The following MACROD2 variants were observed in gnomAD, a reference collection of about 807,000 sequenced individuals.
MACROD2 encodes ADP-ribose glycohydrolase MACROD2.
MACROD2 carries 36 observed loss-of-function variants against 70.4 expected under a neutral mutation model. The ratio of observed to expected loss-of-function variants is 0.51; its 90% CI spans 0.39 to 0.68. MACROD2 has a LOEUF of 0.68. Ranked by LOEUF, MACROD2 falls within the 30% of genes least tolerant of loss-of-function variation. MACROD2 has a pLI of 0.00. For synonymous variants in MACROD2, 172 were observed against 178.8 expected (o/e 0.96, Z 0.30); for missense variants, 496 against 538.4 (o/e 0.92, Z 0.78).
At chr20:14,885,955 G>A (rs1459296855) in intron 5 of MACROD2, among the ~76,000 whole-genome samples, 1 of 152,150 alleles carries the variant, frequency 6.6e-6, no homozygotes, top group Non-Finnish European at 1.5e-5. Context: ...ATACTACAGT[G>A]AGCAAAATAA....
At chr20:14,085,956 G>A (rs1450385060) in intron 3 of MACROD2, among the ~76,000 whole-genome samples, 2 of 152,158 alleles carry the variant, frequency 1.3e-5, no homozygotes, top group African/African-American at 4.8e-5. Context: ...TTGAGATTAG[G>A]ATACTGCACC....
intron 5 of MACROD2, among the ~76,000 whole-genome samples, chr20:15,226,899 T>C (rs914274841): frequency 1.5e-4 from 23 of 152,110 alleles, no homozygotes; most frequent in Non-Finnish European, 5.9e-5. Context: ...GAGCTGGAAT[T>C]CAAAGACAGG....
At chr20:14,825,943 C>G (rs1487143285) in intron 5 of MACROD2, among the ~76,000 whole-genome samples, 3 of 152,228 alleles carry the variant, frequency 2.0e-5, no homozygotes, top group South Asian at 4.1e-4. Context: ...CTTGTTTTTA[C>G]AAGCAAAGGC....
chr20:14,197,807 G>T (rs552811460), intron 3 of MACROD2, among the ~76,000 whole-genome samples: 1 of 152,054 alleles, frequency 6.6e-6, no homozygotes, highest in Non-Finnish European at 1.5e-5. Context: ...TCTTAACAGA[G>T]AAGTAGGAAG....
chr20:15,532,870 G>A (rs2047823586), intron 8 of MACROD2, among the ~76,000 whole-genome samples: 1 of 151,980 alleles, frequency 6.6e-6, no homozygotes, highest in African/African-American at 2.4e-5. Context: ...TCAATTAAAG[G>A]GTTTGAAAGA....
intron 3 of MACROD2, among the ~76,000 whole-genome samples, chr20:14,419,364 T>C (rs2083849997): frequency 6.6e-6 from 1 of 152,238 alleles, no homozygotes; most frequent in Admixed American, 6.5e-5. Flanking sequence ...AGGATCTTTA[T>C]ATATTTTTGA....
intron 8 of MACROD2, among the ~76,000 whole-genome samples, chr20:15,626,381 TAGAC>T (rs1407746759): frequency 6.6e-6 from 1 of 152,228 alleles, no homozygotes; most frequent in East Asian, 1.9e-4. Context: ...CAAAATGGAT[TAGAC>T]ACACAGAAAT....
At chr20:15,964,981 T>C (rs73234091) in intron 12 of MACROD2, among the ~76,000 whole-genome samples, 8,271 of 152,266 alleles carry the variant, frequency 0.054, 340 homozygotes, top group African/African-American at 0.12. Flanking sequence ...TGATATGACA[T>C]CCTTGTCATC....
At chr20:15,817,493 G>T (rs1223812582) in intron 8 of MACROD2, among the ~76,000 whole-genome samples, 3 of 152,170 alleles carry the variant, frequency 2.0e-5, no homozygotes, top group Admixed American at 2.0e-4. Context: ...ACTTATGCAA[G>T]CTTGAATGGT....
intron 2 of MACROD2, among the ~76,000 whole-genome samples, chr20:14,078,517 C>T (rs1221397652): frequency 6.6e-6 from 1 of 152,150 alleles, no homozygotes; most frequent in Non-Finnish European, 1.5e-5. Context: ...AGCGATTCTC[C>T]TGCCTCAGCC....
chr20:14,414,176 G>A (rs1367441936), intron 3 of MACROD2, among the ~76,000 whole-genome samples: 1 of 151,942 alleles, frequency 6.6e-6, no homozygotes, highest in African/African-American at 2.4e-5. Flanking sequence ...TAGACATCTC[G>A]GCTTAGATTT....
intron 6 of MACROD2, among the ~76,000 whole-genome samples, chr20:15,283,661 A>C (rs901960362): frequency 6.6e-6 from 1 of 152,200 alleles, no homozygotes; most frequent in Non-Finnish European, 1.5e-5. Context: ...AACAAGAGTG[A>C]AACTCTGTCT....
chr20:14,912,456 C>T (rs1478743394), intron 5 of MACROD2, among the ~76,000 whole-genome samples: 3 of 152,074 alleles, frequency 2.0e-5, no homozygotes, highest in African/African-American at 7.2e-5. Flanking sequence ...CTTCAGAAGT[C>T]ATTACTAAGG....
chr20:15,017,284 G>A (rs1047796369), intron 5 of MACROD2, among the ~76,000 whole-genome samples: 2 of 152,136 alleles, frequency 1.3e-5, no homozygotes, highest in African/African-American at 4.8e-5. Context: ...AATCCAGCGG[G>A]GCAGTCAAAT....
chr20:15,589,712 G>T lies in MACROD2; in HGVS notation c.645+89865G>T, dbSNP rs114986323. 8.5e-3 allele frequency among the ~76,000 whole-genome samples: 1,288 copies of T among 152,262 alleles called. 16 individuals are homozygous for T. Among genetic ancestry groups the T allele is most frequent in the African/African-American group, 0.03 (1,236 of 41,544 alleles). On this transcript the variant is annotated intron_variant, in intron 8 of 17. Coordinates refer to ENST00000684519, the MANE Select transcript of MACROD2 (RefSeq NM_001351661.2). The stretch of plus-strand genomic sequence containing the variant: ...CTTCCAGCAATCCCTGGCAACCACT[G>T]ATCTTTTTGCCATCTCCATAGTTTT...
chr20:15,247,601 C>T (rs1346989447), intron 6 of MACROD2, among the ~76,000 whole-genome samples: 4 of 152,120 alleles, frequency 2.6e-5, no homozygotes, highest in East Asian at 1.9e-4. Flanking sequence ...TCCTAGGCTG[C>T]GAAACCCTGA....
chr20:15,472,045 C>G (rs559206813), intron 7 of MACROD2, among the ~76,000 whole-genome samples: 1 of 152,334 alleles, frequency 6.6e-6, no homozygotes, highest in East Asian at 1.9e-4. Flanking sequence ...TTTACCATCT[C>G]CCCGCAATGA....
chr20:15,303,907 G>A (rs1289210889), intron 6 of MACROD2, among the ~76,000 whole-genome samples: 1 of 152,072 alleles, frequency 6.6e-6, no homozygotes, highest in Non-Finnish European at 1.5e-5. Context: ...CTCTCACTCT[G>A]TTAAGATCTT....
At position 14,751,187 on chromosome 20, in the gene MACROD2, C is replaced by T. The variant is rs962957815; in HGVS notation, c.418+66228C>T. 2.1e-4 allele frequency among the ~76,000 whole-genome samples: 32 copies of T among 152,248 alleles called. 1 individual carries two copies. Among genetic ancestry groups the T allele is most frequent in the African/African-American group, 7.7e-4 (32 of 41,534 alleles). ...ATGAGCCCAGCCCTCCTTGGGCTTCCTTACTGGCCTCCCAGCCCCACCCTT... is the reference window on the plus strand; with the variant it reads ...ATGAGCCCAGCCCTCCTTGGGCTTCTTTACTGGCCTCCCAGCCCCACCCTT... On this transcript the variant is annotated intron_variant, in intron 5 of 17. Transcript: ENST00000684519.
Sources: gnomAD v4.1 joint callset for allele counts (sites outside exome capture counted in the v4.1 genomes callset) on GRCh38, gnomAD v4.1.1 for gene constraint, MANE v1.5 for transcripts, NCBI Gene and HGNC (gene_info 2026-07-23, HGNC 2026-07-21) for gene names.